NHLRC2: variants seen among roughly 807,000 people sequenced by gnomAD.
The protein encoded by NHLRC2 is NHL repeat containing 2.
NHLRC2 carries 33 observed loss-of-function variants against 68.1 expected under a neutral mutation model. The observed-to-expected ratio is 0.48, with a 90% CI of 0.37 to 0.65. The LOEUF is 0.65. Among genes scored for constraint, NHLRC2 ranks in the 30% least tolerant of loss-of-function variants. The pLI is 0.00. For missense variants in NHLRC2, 761 were observed against 853.8 expected (o/e 0.89, Z 1.35); for synonymous variants, 311 against 309.6 (o/e 1.00, Z -0.05).
At position 113,854,759 on chromosome 10, in the gene NHLRC2, A is replaced by C. The variant is rs1845723851; in HGVS notation, c.-114A>C. On this transcript the variant is annotated 5_prime_UTR_variant, in exon 1 of 11. Transcript: ENST00000369301. ...AGTGTCATTGGCGTGGAGTGGGGCTAGTGGAGGGTGAGGTGAATGCGCCGT... is the reference window on the plus strand; with the variant it reads ...AGTGTCATTGGCGTGGAGTGGGGCTCGTGGAGGGTGAGGTGAATGCGCCGT... 1.2e-5 allele frequency: 9 copies of C among 761,688 alleles called. No individual in the cohort carries two copies. Among genetic ancestry groups the C allele is most frequent in the Non-Finnish European group, 1.9e-5 (9 of 482,190 alleles). 47.2% of individuals were successfully genotyped at this position (761,688 alleles called of 1,614,324 possible).
chr10:113,881,491 T>C (rs982055835), intron 4 of NHLRC2, among the ~76,000 whole-genome samples: 9 of 151,950 alleles, frequency 5.9e-5, no homozygotes, highest in African/African-American at 1.9e-4. Context: ...GATTATATTC[T>C]CATTCATGGC....
Position 113,901,074 on chromosome 10 carries a change from G to A in NHLRC2, c.1140-592G>A, listed in dbSNP as rs147130815. 3.6e-4 allele frequency among the ~76,000 whole-genome samples: 55 copies of A among 152,050 alleles called. No individual in the cohort carries two copies. In the East Asian group the frequency reaches 9.5e-3, roughly 26 times the overall value. ...ATATAAGAAATTGATTTGTACAATC[G>A]ATATAATTGTACATAATTATCCCAT... On this transcript the variant is annotated intron_variant, in intron 6 of 10. Transcript: ENST00000369301.
intron 2 of NHLRC2, among the ~76,000 whole-genome samples, chr10:113,874,092 T>G (rs894840036): frequency 2.0e-5 from 3 of 152,202 alleles, no homozygotes; most frequent in South Asian, 4.1e-4. Context: ...TGCTGTTTTA[T>G]TTTCATAATC....
chr10:113,876,790 A>AG lies in NHLRC2; in HGVS notation c.606dup (p.Gln203AlafsTer5). 6.2e-7 allele frequency: 1 copy of AG among 1,612,086 alleles called. No homozygotes were observed. Among genetic ancestry groups the AG allele is most frequent in the Non-Finnish European group, 8.5e-7 (1 of 1,178,292 alleles). ...AATTGCTTTAAAGTATTACAAAGAC[A>AG]GGGGGCAGATCAGAGATAATAAAAT... On this transcript the variant is annotated frameshift_variant, in exon 3 of 11. Transcript: ENST00000369301. LOFTEE classifies it high-confidence loss of function.
intron 2 of NHLRC2, among the ~76,000 whole-genome samples, chr10:113,863,794 A>G (rs1219857298): frequency 6.6e-6 from 1 of 152,232 alleles, no homozygotes; most frequent in Admixed American, 6.5e-5. Flanking sequence ...ATTACTACTG[A>G]TTCTACAGAA....
rs1369194026 is a variant in NHLRC2 at position 113,912,485 on chromosome 10, A to AT, written c.*3955dup. On this transcript the variant is annotated 3_prime_UTR_variant, in exon 11 of 11. Coordinates refer to ENST00000369301, the MANE Select transcript of NHLRC2 (RefSeq NM_198514.4). The stretch of plus-strand genomic sequence containing the variant: ...AAGCATGCCTATAGTGTTATTAAAA[A>AT]TTTTTTGTACGACTTTCTGGAGCTA... 3.9e-5 allele frequency: 6 copies of AT among 152,208 alleles called. No individual in the cohort carries two copies. Among genetic ancestry groups the AT allele is most frequent in the Non-Finnish European group, 7.3e-5 (5 of 68,034 alleles). 9.4% of individuals were successfully genotyped at this position (152,208 alleles called of 1,614,324 possible).
intron 2 of NHLRC2, among the ~76,000 whole-genome samples, chr10:113,862,152 T>A (rs1845821500): frequency 6.6e-6 from 1 of 152,088 alleles, no homozygotes; most frequent in Non-Finnish European, 1.5e-5. Flanking sequence ...TGTATGGGAT[T>A]AACGCCATGA....
intron 2 of NHLRC2, among the ~76,000 whole-genome samples, chr10:113,869,831 G>T (rs933162033): frequency 6.6e-6 from 1 of 151,950 alleles, no homozygotes; most frequent in African/African-American, 2.4e-5. Flanking sequence ...AATTTATTTT[G>T]GTATTCCAAT....
At chr10:113,893,650 G>A (rs2134727064) in intron 5 of NHLRC2, among the ~76,000 whole-genome samples, 1 of 152,206 alleles carries the variant, frequency 6.6e-6, no homozygotes, top group Non-Finnish European at 1.5e-5. Flanking sequence ...GGCATCTGAA[G>A]GAAATAAGTA....
At chr10:113,908,197 T>C in intron 10 of NHLRC2, 83 bp from the exon 11 acceptor site, 1 of 1,020,940 alleles carries the variant, frequency 9.8e-7, no homozygotes, top group Non-Finnish European at 1.5e-6. Flanking sequence ...TATTTGTCGA[T>C]CGAGTTTATC....
Position 113,916,203 on chromosome 10 carries a change from G to GT in NHLRC2, c.*7672dup, listed in dbSNP as rs527271704. 2.0e-3 allele frequency: 306 copies of GT among 152,240 alleles called. 1 individual carries two copies. The highest frequency in any genetic ancestry group is 7.2e-3 in the African/African-American group (298 of 41,544). The allele number at this position is 152,240 out of a possible 1,614,324, so 9.4% of individuals were successfully genotyped here. A position where few individuals can be genotyped will look rare whatever the true frequency, so the allele number is the denominator to read the frequency against. The stretch of plus-strand genomic sequence containing the variant: ...ATTACACTTTTCAAAATGCCAGCAA[G>GT]TTTTTGTTTGTATAGAGTTGGAATG... On this transcript the variant is annotated 3_prime_UTR_variant, in exon 11 of 11. Transcript: ENST00000369301.
At chr10:113,901,987 G>A in intron 7 of NHLRC2, 90 bp downstream of exon 7, 1 of 909,106 alleles carries the variant, frequency 1.1e-6, no homozygotes, top group Non-Finnish European at 1.7e-6. Context: ...ATTTAAGAGA[G>A]ACCATCCTTG....
chr10:113,897,610 A>G (rs1366252661), intron 5 of NHLRC2, among the ~76,000 whole-genome samples: 1 of 152,142 alleles, frequency 6.6e-6, no homozygotes, highest in African/African-American at 2.4e-5. Flanking sequence ...TTTCCTGTTC[A>G]TTTTCGTAGT....
At chr10:113,899,939 G>A (rs1846213735) in intron 6 of NHLRC2, among the ~76,000 whole-genome samples, 1 of 151,866 alleles carries the variant, frequency 6.6e-6, no homozygotes. Flanking sequence ...AATTGAAATT[G>A]TTCCTTATAT....
chr10:113,855,967 A>G (rs1845752440), intron 1 of NHLRC2, among the ~76,000 whole-genome samples: 1 of 152,324 alleles, frequency 6.6e-6, no homozygotes, highest in South Asian at 2.1e-4. Context: ...CTCACAGCTG[A>G]TAACTGCCCC....
At chr10:113,876,129 T>TA (rs1442011988) in intron 2 of NHLRC2, among the ~76,000 whole-genome samples, 3 of 151,514 alleles carry the variant, frequency 2.0e-5, no homozygotes, top group African/African-American at 4.8e-5. Context: ...AAGACAGTGA[T>TA]ACAACAATAA....
Position 113,876,843 on chromosome 10 carries a change from G to A in NHLRC2, c.654G>A (p.Leu218=), listed in dbSNP as rs776973895. 3.7e-5 allele frequency: 59 copies of A among 1,612,784 alleles called. No individual in the cohort carries two copies. In the African/African-American group the frequency reaches 7.1e-4, roughly 19 times the overall value. ...GAATAAAACTCTATAAAGATTCTTT[G>A]CCACCTTCACCATTGCTATTTCCTG... The part of the protein sequence containing the change: ...KIGIKLYKDS[L]PPSPLLFPGK... The change falls in exon 3 of 11, where the codon TTG becomes TTA. Residue 218 remains leucine (L), a synonymous_variant. Transcript: ENST00000369301.
In NHLRC2 at chr10:113,909,698, T is replaced by C. The variant is rs1026596406; in HGVS notation, c.*1162T>C. ...AAAAAAGATATTGGAAAGGTTTTTTTTCTATTGTCATAATTTATAACTACT... is the reference window on the plus strand; with the variant it reads ...AAAAAAGATATTGGAAAGGTTTTTTCTCTATTGTCATAATTTATAACTACT... On this transcript the variant is annotated 3_prime_UTR_variant, in exon 11 of 11. Coordinates refer to ENST00000369301, the MANE Select transcript of NHLRC2 (RefSeq NM_198514.4). The C allele has an allele frequency of 1.3e-5, 2 of 152,158 alleles. No homozygotes were observed. The highest frequency in any genetic ancestry group is 4.8e-5 in the African/African-American group (2 of 41,458). 9.4% of individuals were successfully genotyped at this position (152,158 alleles called of 1,614,324 possible).
At chr10:113,888,228 T>G (rs993781460) in intron 5 of NHLRC2, among the ~76,000 whole-genome samples, 4 of 152,144 alleles carry the variant, frequency 2.6e-5, no homozygotes, top group African/African-American at 9.7e-5. Flanking sequence ...GGAATAAGTT[T>G]TAGAGATAAT....
Sources: allele counts gnomAD v4.1 joint callset (sites outside exome capture counted in the v4.1 genomes callset), GRCh38; gene constraint gnomAD v4.1.1; transcripts MANE v1.5; gene names NCBI Gene and HGNC (gene_info 2026-07-23, HGNC 2026-07-21).